Variants in PXDC1 observed in about 807,000 individuals in gnomAD.
PXDC1 encodes the protein PX domain-containing protein 1.
In PXDC1, 13 loss-of-function variants were observed where a neutral mutation model predicts 24.4. That is an observed-to-expected ratio of 0.53 (90% CI 0.35 to 0.85). PXDC1 has a LOEUF of 0.85. Ranked by LOEUF, PXDC1 falls within the 40% of genes least tolerant of loss-of-function variation. The probability of loss-of-function intolerance (pLI) is 0.01; values close to 1 mark genes in which losing one functional copy is unlikely to be tolerated. For synonymous variants in PXDC1, 162 were observed against 124.9 expected (o/e 1.30, Z -1.98); for missense variants, 344 against 309.3 (o/e 1.11, Z -0.84).
At chr6:3,735,692 G>T (rs1760301333) in intron 3 of PXDC1, among the ~76,000 whole-genome samples, 1 of 152,220 alleles carries the variant, frequency 6.6e-6, no homozygotes, top group Admixed American at 6.5e-5. Context: ...CTACTGCACA[G>T]TAAGGTGACA....
In PXDC1 at chr6:3,723,687, G is replaced by A. The variant is rs777698872; in HGVS notation, c.628C>T (p.Pro210Ser). 41 of 1,614,052 alleles carry A rather than the reference G, an allele frequency of 2.5e-5. No homozygotes were observed. Among genetic ancestry groups the A allele is most frequent in the African/African-American group, 4.0e-5 (3 of 74,916 alleles). Reference sequence around the variant, plus strand: ...GACAGGTTGGTGACGTAGGCTGCTGGGTCGTCCCCGTCCTCCAGCTCTGAG... The same window carrying A: ...GACAGGTTGGTGACGTAGGCTGCTGAGTCGTCCCCGTCCTCCAGCTCTGAG... ...FPSELEDGDD[P>S]AAYVTNLSYY... Residue 210 changes from proline to serine, a missense_variant, in exon 5 of 5, where the codon CCA (proline) becomes TCA (serine). Pro to Ser is a moderately conservative substitution (Grantham distance 74). Transcript: ENST00000380283.
Position 3,724,967 on chromosome 6 carries a change from G to A in PXDC1, c.579-1231C>T, listed in dbSNP as rs373520263. Among the ~76,000 whole-genome samples the A allele has an allele frequency of 1.3e-4, 20 of 152,106 alleles. No homozygotes were observed. The highest frequency in any genetic ancestry group is 1.0e-3 in the South Asian group (5 of 4,824). On this transcript the variant is annotated intron_variant, in intron 4 of 4. Coordinates refer to ENST00000380283, the MANE Select transcript of PXDC1 (RefSeq NM_183373.4). The surrounding 1 kb of genome is among the most constrained non-coding windows in gnomAD (Gnocchi z 4.5). ...GGCCTGGAGTGTGGTGTCAGCCCCCGCCTCGGCTTCCCTATGCTCACGGTC... is the reference window on the plus strand; with the variant it reads ...GGCCTGGAGTGTGGTGTCAGCCCCCACCTCGGCTTCCCTATGCTCACGGTC...
chr6:3,740,677 A>G (rs1760432637), intron 1 of PXDC1, among the ~76,000 whole-genome samples: 1 of 152,254 alleles, frequency 6.6e-6, no homozygotes, highest in African/African-American at 2.4e-5. Context: ...AACCCCGAGA[A>G]ACAGGCCCTC....
chr6:3,724,263 C>A lies in PXDC1; in HGVS notation c.579-527G>T, dbSNP rs535390544. 2.3e-4 allele frequency among the ~76,000 whole-genome samples: 35 copies of A among 152,186 alleles called. No individual in the cohort carries two copies. Among genetic ancestry groups the A allele is most frequent in the African/African-American group, 8.2e-4 (34 of 41,520 alleles). Reference sequence around the variant, plus strand: ...GGGGAGACACCTTCTAGCGGGGAAGCCTGCATGTGGGTACGTGTTTCATTC... The same window carrying A: ...GGGGAGACACCTTCTAGCGGGGAAGACTGCATGTGGGTACGTGTTTCATTC... On this transcript the variant is annotated intron_variant, in intron 4 of 4. Transcript: ENST00000380283. The surrounding 1 kb of genome is among the most constrained non-coding windows in gnomAD (Gnocchi z 4.5).
At chr6:3,733,853 C>T (rs942086949) in intron 3 of PXDC1, among the ~76,000 whole-genome samples, 17 of 152,160 alleles carry the variant, frequency 1.1e-4, no homozygotes, top group Non-Finnish European at 2.2e-4. Flanking sequence ...CATGGCAGCC[C>T]GCCAACATCT....
rs146699238 is a variant in PXDC1, at chr6:3,723,839, G to C, written c.579-103C>G. 874 of 870,646 alleles carry C rather than the reference G, an allele frequency of 1.0e-3. 5 individuals carry two copies. Among genetic ancestry groups the C allele is most frequent in the Non-Finnish European group, 7.5e-5 (40 of 532,148 alleles). 53.9% of individuals were successfully genotyped at this position (870,646 alleles called of 1,614,324 possible). A position where few individuals can be genotyped will look rare whatever the true frequency, so the allele number is the denominator to read the frequency against. On this transcript the variant is annotated intron_variant, in intron 4 of 4. Transcript: ENST00000380283. Reference sequence around the variant, plus strand: ...TGACTTTCAATGCCCGCTAGTAAGTGTGCAAAAAAACCACGGCTACAAATG... The same window carrying C: ...TGACTTTCAATGCCCGCTAGTAAGTCTGCAAAAAAACCACGGCTACAAATG...
At position 3,751,387 on chromosome 6, in the gene PXDC1, T is replaced by G; in HGVS notation, c.145A>C (p.Ser49Arg). 1 of 1,568,428 alleles carries G rather than the reference T, an allele frequency of 6.4e-7. No homozygotes were observed. The highest frequency in any genetic ancestry group is 1.2e-5 in the South Asian group (1 of 85,524). Residue 49 changes from serine (S) to arginine (R), a missense_variant, in exon 1 of 5, where the codon AGC becomes CGC. By Grantham distance (110) the Ser-to-Arg change is moderately radical (BLOSUM62 -1). Coordinates refer to ENST00000380283, the MANE Select transcript of PXDC1 (RefSeq NM_183373.4). ...AGGCTGCGGTGCAGGTAGAGCACGC[T>G]GCGGTCCGACCACTCCGTGCGGATC... is the stretch of plus-strand genomic sequence containing the variant. ...FEIRTEWSDR[S>R]VLYLHRSLAD...
At chr6:3,736,982 G>A in intron 3 of PXDC1, 97 bp downstream of exon 3, 2 of 754,814 alleles carry the variant, frequency 2.6e-6, no homozygotes, top group South Asian at 1.6e-5. Flanking sequence ...CTGGAAAAGT[G>A]TGGCCCAGCC....
chr6:3,734,920 A>G (rs1760282255), intron 3 of PXDC1, among the ~76,000 whole-genome samples: 1 of 152,098 alleles, frequency 6.6e-6, no homozygotes, highest in Admixed American at 6.6e-5. Flanking sequence ...CCTCATCTCT[A>G]CAAAAAATAC....
chr6:3,729,730 T>C (rs1194585283), intron 3 of PXDC1, among the ~76,000 whole-genome samples: 1 of 152,238 alleles, frequency 6.6e-6, no homozygotes, highest in Non-Finnish European at 1.5e-5. Context: ...TTATTAACTC[T>C]GACCCAAATC....
chr6:3,724,377 G>C lies in PXDC1; in HGVS notation c.579-641C>G, dbSNP rs1170588265. Among the ~76,000 whole-genome samples the C allele has an allele frequency of 6.6e-6, 1 of 152,116 alleles. No homozygotes were observed. On this transcript the variant is annotated intron_variant, in intron 4 of 4. Coordinates refer to ENST00000380283, the MANE Select transcript of PXDC1 (RefSeq NM_183373.4). The surrounding 1 kb of genome is among the most constrained non-coding windows in gnomAD (Gnocchi z 4.5). ...AAGAATACAAACCCCAAACATAAGG[G>C]GACGTAAAAGCCCGCGATACTGACT...
chr6:3,741,096 C>T (rs930807317), intron 1 of PXDC1, among the ~76,000 whole-genome samples: 2 of 152,374 alleles, frequency 1.3e-5, no homozygotes, highest in African/African-American at 4.8e-5. Context: ...ACCCCAGTCT[C>T]GGTCTTCTCG....
chr6:3,748,242 G>A (rs974223780), intron 1 of PXDC1, among the ~76,000 whole-genome samples: 1 of 152,136 alleles, frequency 6.6e-6, no homozygotes, highest in Non-Finnish European at 1.5e-5. Flanking sequence ...GGAACACCTT[G>A]GTAACCCGGC....
Position 3,722,753 on chromosome 6 carries a change from G to A in PXDC1, c.*866C>T, listed in dbSNP as rs181507627. On this transcript the variant is annotated 3_prime_UTR_variant, in exon 5 of 5. Transcript: ENST00000380283. ...TAGACACTGAGCAGAGAAGCTTGAA[G>A]AACGGGGATCCTCTCCTGTGGGCAG... The A allele has an allele frequency of 1.3e-5, 2 of 152,756 alleles. No homozygotes were observed. The highest frequency in any genetic ancestry group is 4.8e-5 in the African/African-American group (2 of 41,582). 9.5% of individuals were successfully genotyped at this position (152,756 alleles called of 1,614,324 possible). A position where few individuals can be genotyped will look rare whatever the true frequency, so the allele number is the denominator to read the frequency against.
intron 1 of PXDC1, chr6:3,738,678 C>G: frequency 1.2e-6 from 1 of 866,618 alleles, no homozygotes; most frequent in Non-Finnish European, 1.6e-6. Context: ...TCTGCCTGGA[C>G]AAAACCAAAG....
At chr6:3,748,342 A>G (rs1429886883) in intron 1 of PXDC1, among the ~76,000 whole-genome samples, 1 of 152,090 alleles carries the variant, frequency 6.6e-6, no homozygotes, top group Non-Finnish European at 1.5e-5. Context: ...GATGGAGAAG[A>G]AGGTCGGGTG....
intron 1 of PXDC1, among the ~76,000 whole-genome samples, chr6:3,750,194 A>G (rs1211840181): frequency 6.6e-6 from 1 of 152,254 alleles, no homozygotes. Context: ...GGGAAAGCAC[A>G]GGTTATCTCA....
At chr6:3,739,527 C>T (rs1394856244) in intron 1 of PXDC1, among the ~76,000 whole-genome samples, 1 of 152,252 alleles carries the variant, frequency 6.6e-6, no homozygotes, top group Non-Finnish European at 1.5e-5. Context: ...GGGCAGGGTC[C>T]GTGGTCTGTG....
intron 3 of PXDC1, among the ~76,000 whole-genome samples, chr6:3,733,744 C>T (rs565377785): frequency 1.3e-5 from 2 of 152,294 alleles, no homozygotes; most frequent in South Asian, 4.1e-4. Flanking sequence ...TCCATGGTTA[C>T]GCAGCCCCAG....
Sources: gnomAD v4.1 joint callset for allele counts (sites outside exome capture counted in the v4.1 genomes callset) on GRCh38, gnomAD v4.1.1 for gene constraint, Gnocchi (gnomAD v3.1) non-coding constraint, MANE v1.5 for transcripts, NCBI Gene and HGNC (gene_info 2026-07-23, HGNC 2026-07-21) for gene names.